IMMP1L: variants seen among roughly 807,000 people sequenced by gnomAD.
IMMP1L encodes mitochondrial inner membrane protease subunit 1.
A neutral mutation model predicts 21.8 loss-of-function variants in IMMP1L; 24 were observed. The ratio of observed to expected loss-of-function variants is 1.10; its 90% CI spans 0.80 to 1.55. IMMP1L has a LOEUF of 1.55. Ranked by LOEUF, IMMP1L falls within the 40% of genes most tolerant of loss-of-function variation. The pLI is 0.00. For synonymous variants in IMMP1L, 46 were observed against 62.8 expected (o/e 0.73, Z 1.26); for missense variants, 195 against 200.7 (o/e 0.97, Z 0.17).
intron 1 of IMMP1L, among the ~76,000 whole-genome samples, chr11:31,467,663 G>A (rs1285894773): frequency 6.6e-6 from 1 of 151,946 alleles, no homozygotes; most frequent in Non-Finnish European, 1.5e-5. Flanking sequence ...TAGAAGGAAT[G>A]GTAAAATTAC....
At chr11:31,433,661 ATG>A (rs1953001922) in intron 4 of IMMP1L, 91 bp from the exon 5 acceptor site, 1 of 717,186 alleles carries the variant, frequency 1.4e-6, no homozygotes, top group Non-Finnish European at 2.4e-6. Context: ...GTAGGGAGAA[ATG>A]TCCTAAGGCT....
intron 4 of IMMP1L, among the ~76,000 whole-genome samples, chr11:31,446,710 C>T (rs570706722): frequency 4.6e-5 from 7 of 152,290 alleles, no homozygotes; most frequent in Admixed American, 2.0e-4. Context: ...CTAACTCCTA[C>T]TTACCCTTTA....
chr11:31,502,550 A>AT (rs1337825194), intron 1 of IMMP1L, among the ~76,000 whole-genome samples: 2 of 152,168 alleles, frequency 1.3e-5, no homozygotes, highest in Non-Finnish European at 2.9e-5. Flanking sequence ...AGTAGATGTG[A>AT]TTTTTTCATA....
At chr11:31,458,126 G>A (rs948880066) in intron 3 of IMMP1L, among the ~76,000 whole-genome samples, 1 of 151,850 alleles carries the variant, frequency 6.6e-6, no homozygotes, top group Non-Finnish European at 1.5e-5. Context: ...GCACTCGAAT[G>A]GCAACATAGA....
At chr11:31,456,195 G>T in intron 4 of IMMP1L, 65 bp downstream of exon 4, 8 of 1,132,102 alleles carry the variant, frequency 7.1e-6, no homozygotes, top group Admixed American at 2.4e-5. Context: ...ATTTTCTTTT[G>T]TCAGCACTCA....
intron 4 of IMMP1L, among the ~76,000 whole-genome samples, chr11:31,445,843 T>TCTTTAAAAAGTAAGAATGATCTAGGG (rs1442733686): frequency 1.3e-5 from 2 of 151,870 alleles, no homozygotes; most frequent in African/African-American, 2.4e-5. Flanking sequence ...TAGCTGAAGA[T>TCTTTAAAAAGTAAGAATGATCTAGGG]CTTTAAAAAG....
intron 1 of IMMP1L, among the ~76,000 whole-genome samples, chr11:31,469,193 T>C (rs1163703648): frequency 6.6e-6 from 1 of 152,122 alleles, no homozygotes; most frequent in Non-Finnish European, 1.5e-5. Flanking sequence ...AAGCATGCTA[T>C]AAAATAGTAC....
At chr11:31,504,705 A>C (rs763232552) in intron 1 of IMMP1L, among the ~76,000 whole-genome samples, 11 of 152,238 alleles carry the variant, frequency 7.2e-5, no homozygotes, top group Non-Finnish European at 1.5e-4. Context: ...ACTATACAGC[A>C]ATAAGAATAG....
chr11:31,439,994 T>C (rs573774005), intron 4 of IMMP1L, among the ~76,000 whole-genome samples: 48 of 152,308 alleles, frequency 3.2e-4, no homozygotes, highest in African/African-American at 5.5e-4. Flanking sequence ...CAATTTAGTA[T>C]TGAGCCCAAA....
intron 1 of IMMP1L, among the ~76,000 whole-genome samples, chr11:31,495,570 TAC>T (rs750982409): frequency 3.0e-4 from 45 of 152,196 alleles, no homozygotes; most frequent in Non-Finnish European, 5.9e-4. Context: ...CGAAAGGACT[TAC>T]ACGCTGATTT....
chr11:31,456,774 C>A (rs1456822656), intron 3 of IMMP1L, among the ~76,000 whole-genome samples: 1 of 145,574 alleles, frequency 6.9e-6, no homozygotes, highest in East Asian at 2.1e-4. Context: ...AATCTCAGCA[C>A]TTTGGGAGGC....
intron 1 of IMMP1L, among the ~76,000 whole-genome samples, chr11:31,479,099 A>C (rs774861938): frequency 2.6e-5 from 4 of 152,072 alleles, no homozygotes; most frequent in Non-Finnish European, 4.4e-5. Context: ...ATCTGTCCAG[A>C]ATAAATCTAA....
chr11:31,491,022 T>C (rs896654577), intron 1 of IMMP1L, among the ~76,000 whole-genome samples: 2 of 152,176 alleles, frequency 1.3e-5, no homozygotes, highest in South Asian at 4.1e-4. Context: ...AGAGTTTTCA[T>C]AATAAACATA....
intron 4 of IMMP1L, among the ~76,000 whole-genome samples, chr11:31,435,676 T>C (rs1953094841): frequency 6.6e-6 from 1 of 152,160 alleles, no homozygotes; most frequent in Admixed American, 6.5e-5. Context: ...TTGCATGTCT[T>C]TTGCCATTTG....
At chr11:31,505,782 G>A (rs574790697) in intron 1 of IMMP1L, among the ~76,000 whole-genome samples, 46 of 152,208 alleles carry the variant, frequency 3.0e-4, no homozygotes, top group African/African-American at 9.4e-4. Flanking sequence ...ATGTCAGAAC[G>A]AAGACCTGTA....
intron 4 of IMMP1L, among the ~76,000 whole-genome samples, chr11:31,437,601 A>G (rs1953168990): frequency 6.6e-6 from 1 of 152,226 alleles, no homozygotes; most frequent in Non-Finnish European, 1.5e-5. Flanking sequence ...AATCAATTTT[A>G]TAGAGGTATA....
intron 4 of IMMP1L, among the ~76,000 whole-genome samples, chr11:31,446,918 GCTAT>G (rs1465034134): frequency 6.6e-6 from 1 of 152,082 alleles, no homozygotes; most frequent in Non-Finnish European, 1.5e-5. Flanking sequence ...CATATATGTG[GCTAT>G]CTAAATTTTA....
intron 1 of IMMP1L, chr11:31,477,575 G>A: frequency 2.0e-6 from 2 of 983,642 alleles, no homozygotes; most frequent in African/African-American, 1.7e-5. Context: ...CTTCATGAAT[G>A]ACATCCAAGA....
chr11:31,480,439 T>C (rs997969085), intron 1 of IMMP1L, among the ~76,000 whole-genome samples: 3 of 152,060 alleles, frequency 2.0e-5, no homozygotes, highest in Non-Finnish European at 4.4e-5. Context: ...TAATTATTCA[T>C]TTAGAATGAC....
Sources: gnomAD v4.1 joint callset for allele counts (sites outside exome capture counted in the v4.1 genomes callset) on GRCh38, gnomAD v4.1.1 for gene constraint, MANE v1.5 for transcripts, NCBI Gene and HGNC (gene_info 2026-07-23, HGNC 2026-07-21) for gene names.